C10orf90: variants seen among roughly 807,000 people sequenced by gnomAD.
C10orf90 encodes the protein (E2-independent) E3 ubiquitin-conjugating enzyme FATS.
In C10orf90, 56 loss-of-function variants were observed where a neutral mutation model predicts 62.5. The ratio of observed to expected loss-of-function variants is 0.90; its 90% CI spans 0.72 to 1.12. C10orf90 has a LOEUF of 1.12. Ranked by LOEUF, C10orf90 falls within the 50% of genes most tolerant of loss-of-function variation. The pLI, the probability that C10orf90 is intolerant of heterozygous loss-of-function variation, is 0.00. For synonymous variants in C10orf90, 386 were observed against 340.4 expected, an observed-to-expected ratio of 1.13 and a Z score of -1.47; for missense variants, 970 against 880.4, an observed-to-expected ratio of 1.10 and a Z score of -1.29.
Position 126,506,192 on chromosome 10 carries a change from C to T in C10orf90, c.406-1107G>A, listed in dbSNP as rs529245340. 1.8e-3 allele frequency among the ~76,000 whole-genome samples: 268 copies of T among 152,322 alleles called. 2 individuals are homozygous for T. The highest frequency in any genetic ancestry group is 6.0e-3 in the African/African-American group (248 of 41,572). On this transcript the variant is annotated intron_variant, in intron 3 of 9. Transcript: ENST00000488181. ...CTAATCAGCAGATTGTTTGTCCTAA[C>T]AGTAAATTGCTCATGTGTCCAAAAG...
intron 7 of C10orf90, 141 bp downstream of exon 7, chr10:126,458,899 G>A (rs1859762669): frequency 1.1e-6 from 1 of 895,928 alleles, no homozygotes; most frequent in East Asian, 2.7e-5. Context: ...ATGATGCTGA[G>A]GGTCAGCCAC....
At chr10:126,613,501 C>A (rs1313861380) in intron 2 of C10orf90, among the ~76,000 whole-genome samples, 2 of 152,208 alleles carry the variant, frequency 1.3e-5, no homozygotes, top group African/African-American at 4.8e-5. Flanking sequence ...CCACCTGGGC[C>A]TCCCAAAGTG....
intron 2 of C10orf90, among the ~76,000 whole-genome samples, chr10:126,528,725 G>A (rs554664810): frequency 6.6e-6 from 1 of 152,282 alleles, no homozygotes; most frequent in East Asian, 1.9e-4. Context: ...TGGACCTGAG[G>A]CTGGACTCTC....
In C10orf90 at chr10:126,464,906, G is replaced by A. The variant is rs758287530; in HGVS notation, c.1615C>T (p.Gln539Ter). 15 of 1,613,776 alleles carry A rather than the reference G, an allele frequency of 9.3e-6. No individual in the cohort carries two copies. In the South Asian group the frequency reaches 1.2e-4, roughly 13 times the overall value. Residue 539 changes from glutamine (Q) to a stop codon, truncating the protein, a stop_gained, in exon 5 of 10, where the codon CAG becomes TAG. Coordinates refer to ENST00000488181, the MANE Select transcript of C10orf90 (RefSeq NM_001350921.2). LOFTEE classifies it high-confidence loss of function. Reference sequence around the variant, plus strand: ...GGAAGGAAATGTCTAGTGGGCTTCTGTTCCACTGGAGGAGCAGACACAGTC... The same window carrying A: ...GGAAGGAAATGTCTAGTGGGCTTCTATTCCACTGGAGGAGCAGACACAGTC... ...CMTVSAPPVE[Q>*]KPTRHFLPIG...
At chr10:126,431,031 T>C (rs953567000) in intron 7 of C10orf90, among the ~76,000 whole-genome samples, 5 of 152,062 alleles carry the variant, frequency 3.3e-5, no homozygotes, top group African/African-American at 1.2e-4. Context: ...TATTCAGACA[T>C]GAAAAAGAAT....
At chr10:126,467,790 A>G (rs192583485) in intron 4 of C10orf90, among the ~76,000 whole-genome samples, 1 of 152,332 alleles carries the variant, frequency 6.6e-6, no homozygotes. Flanking sequence ...TCTGCCCAAC[A>G]GTTGTAAATT....
intron 7 of C10orf90, among the ~76,000 whole-genome samples, chr10:126,442,481 A>ATATATATATATATATATATC (rs1554886161): frequency 2.2e-4 from 13 of 59,128 alleles, no homozygotes; most frequent in African/African-American, 7.3e-4. Context: ...AATATTTCAT[A>ATATATATATATATATATATC]TATATATATA....
chr10:126,564,392 T>G (rs1844253592), intron 2 of C10orf90, among the ~76,000 whole-genome samples: 1 of 151,744 alleles, frequency 6.6e-6, no homozygotes, highest in Admixed American at 6.6e-5. Flanking sequence ...GGTGCCATCC[T>G]CCTTCCATTG....
chr10:126,655,820 G>C (rs1420395894), intron 1 of C10orf90, among the ~76,000 whole-genome samples: 1 of 134,102 alleles, frequency 7.5e-6, no homozygotes, highest in Non-Finnish European at 1.6e-5. Flanking sequence ...CAAAGCAACA[G>C]AGACAAAACA....
chr10:126,489,071 A>T (rs1462016814), intron 4 of C10orf90, among the ~76,000 whole-genome samples: 1 of 152,162 alleles, frequency 6.6e-6, no homozygotes, highest in African/African-American at 2.4e-5. Context: ...AAATATTTTT[A>T]AAAAGAAAAC....
chr10:126,556,168 G>T (rs996939793), intron 2 of C10orf90, among the ~76,000 whole-genome samples: 3 of 152,200 alleles, frequency 2.0e-5, no homozygotes, highest in African/African-American at 7.2e-5. Context: ...AATGGCCGGG[G>T]TTGAGTGCTG....
chr10:126,659,915 G>A (rs577832675), intron 1 of C10orf90, among the ~76,000 whole-genome samples: 130 of 152,302 alleles, frequency 8.5e-4, no homozygotes, highest in Middle Eastern at 3.4e-3. Flanking sequence ...TCATTTCTTC[G>A]TTCATAATGC....
intron 4 of C10orf90, among the ~76,000 whole-genome samples, chr10:126,500,955 A>C (rs1862345780): frequency 6.6e-6 from 1 of 152,226 alleles, no homozygotes; most frequent in African/African-American, 2.4e-5. Context: ...GAATGTCAGT[A>C]AGCCAGCCAA....
chr10:126,562,097 C>G (rs1864914938), intron 2 of C10orf90, among the ~76,000 whole-genome samples: 2 of 152,166 alleles, frequency 1.3e-5, no homozygotes, highest in African/African-American at 2.4e-5. Context: ...GACAGGCTGC[C>G]CAGAGGCCAC....
intron 2 of C10orf90, among the ~76,000 whole-genome samples, chr10:126,557,349 C>T (rs796481924): frequency 2.0e-5 from 3 of 151,794 alleles, no homozygotes; most frequent in African/African-American, 7.2e-5. Context: ...GGTGTGGTGG[C>T]GGCGCCTGTA....
intron 4 of C10orf90, among the ~76,000 whole-genome samples, chr10:126,470,520 A>T (rs966155685): frequency 1.4e-4 from 22 of 152,192 alleles, no homozygotes; most frequent in Admixed American, 3.9e-4. Flanking sequence ...GCTTGAGTGC[A>T]GGAGTTCAAG....
chr10:126,467,878 T>C (rs926645860), intron 4 of C10orf90, among the ~76,000 whole-genome samples: 1 of 152,128 alleles, frequency 6.6e-6, no homozygotes, highest in Admixed American at 6.5e-5. Flanking sequence ...ACCTCCTAGA[T>C]TAAGAATTGG....
rs1427243370 is a variant in C10orf90, at chr10:126,571,881, C to A, written c.314-57942G>T. Among the ~76,000 whole-genome samples, 3 of 152,170 alleles carry A rather than the reference C, an allele frequency of 2.0e-5. No homozygotes were observed. In the East Asian group the frequency reaches 5.8e-4, roughly 29 times the overall value. Reference sequence around the variant, plus strand: ...ACACCTAACAATGCAGGTAGTCAGGCCTTATACACTTCCTGGCAGGACACC... The same window carrying A: ...ACACCTAACAATGCAGGTAGTCAGGACTTATACACTTCCTGGCAGGACACC... On this transcript the variant is annotated intron_variant, in intron 2 of 9. Transcript: ENST00000488181.
chr10:126,466,731 A>G (rs1452118003), intron 4 of C10orf90, among the ~76,000 whole-genome samples: 1 of 152,226 alleles, frequency 6.6e-6, no homozygotes, highest in Non-Finnish European at 1.5e-5. Context: ...ATGCACAAAT[A>G]AACAAAATGT....
Sources: allele counts gnomAD v4.1 joint callset (sites outside exome capture counted in the v4.1 genomes callset), GRCh38; gene constraint gnomAD v4.1.1; transcripts MANE v1.5; gene names NCBI Gene and HGNC (gene_info 2026-07-23, HGNC 2026-07-21).